Variants in COG5 observed in about 807,000 individuals in gnomAD.
The protein encoded by COG5 is conserved oligomeric Golgi complex subunit 5.
COG5 carries 86 observed loss-of-function variants against 110.4 expected under a neutral mutation model. That is an observed-to-expected ratio of 0.78 (90% CI 0.65 to 0.93). The LOEUF (loss-of-function observed/expected upper bound fraction) is 0.93, where lower values mean the gene tolerates loss of function less well. COG5 is among the 40% of genes least tolerant of loss of function. The probability of loss-of-function intolerance (pLI) is 0.00; values close to 1 mark genes in which losing one functional copy is unlikely to be tolerated. For synonymous variants in COG5, 360 were observed against 334.6 expected (o/e 1.08, Z -0.83); for missense variants, 1,077 against 987.0 (o/e 1.09, Z -1.22).
chr7:107,554,459 G>GA (rs1803151984), intron 2 of COG5, 117 bp from the exon 3 acceptor site: 4 of 854,634 alleles, frequency 4.7e-6, no homozygotes, highest in South Asian at 4.4e-5. Context: ...AAATACAAAA[G>GA]AAAAAACCAC....
chr7:107,508,567 T>C (rs891549990), intron 6 of COG5, among the ~76,000 whole-genome samples: 1 of 152,186 alleles, frequency 6.6e-6, no homozygotes, highest in Non-Finnish European at 1.5e-5. Flanking sequence ...GATCTGAGAA[T>C]GGGCAGACTG....
At chr7:107,484,593 C>T (rs1797546012) in intron 6 of COG5, among the ~76,000 whole-genome samples, 1 of 152,132 alleles carries the variant, frequency 6.6e-6, no homozygotes, top group African/African-American at 2.4e-5. Flanking sequence ...ACTATATATT[C>T]CACAACTATA....
intron 7 of COG5, among the ~76,000 whole-genome samples, chr7:107,400,593 A>G (rs1791352232): frequency 6.6e-6 from 1 of 152,202 alleles, no homozygotes; most frequent in South Asian, 2.1e-4. Flanking sequence ...GAAATACAAT[A>G]AATTTAGTCC....
intron 7 of COG5, among the ~76,000 whole-genome samples, chr7:107,373,694 T>C (rs1814388121): frequency 6.6e-6 from 1 of 152,144 alleles, no homozygotes; most frequent in Non-Finnish European, 1.5e-5. Flanking sequence ...AATGGGTTGT[T>C]GGATTTGTGG....
At chr7:107,320,575 A>G (rs1245748525) in intron 11 of COG5, among the ~76,000 whole-genome samples, 1 of 152,220 alleles carries the variant, frequency 6.6e-6, no homozygotes, top group East Asian at 1.9e-4. Flanking sequence ...AGCCTAAGTC[A>G]TGATGCATAT....
chr7:107,412,442 A>T (rs959959128), intron 7 of COG5, 60 bp downstream of exon 7: 3 of 1,539,262 alleles, frequency 1.9e-6, no homozygotes, highest in Non-Finnish European at 2.7e-6. Flanking sequence ...ACTCAAAGTC[A>T]AATGTTCACC....
intron 5 of COG5, among the ~76,000 whole-genome samples, chr7:107,532,548 AATATAAGGT>A (rs1484510632): frequency 1.3e-5 from 2 of 152,174 alleles, no homozygotes; most frequent in Non-Finnish European, 2.9e-5. Context: ...TATACACACA[AATATAAGGT>A]ATATACTATT....
chr7:107,324,638 C>A, intron 10 of COG5, 117 bp from the exon 11 acceptor site: 1 of 598,316 alleles, frequency 1.7e-6, no homozygotes, highest in Non-Finnish European at 3.0e-6. Context: ...AAATTTTAGA[C>A]ATCTAACCAT....
intron 6 of COG5, among the ~76,000 whole-genome samples, chr7:107,524,258 A>G (rs1800569978): frequency 6.6e-6 from 1 of 152,214 alleles, no homozygotes; most frequent in African/African-American, 2.4e-5. Flanking sequence ...TCATCACCCT[A>G]AAAACAAATC....
chr7:107,369,203 G>C (rs545355202), intron 8 of COG5, among the ~76,000 whole-genome samples: 11 of 152,144 alleles, frequency 7.2e-5, no homozygotes, highest in African/African-American at 2.7e-4. Flanking sequence ...CATATTCTTA[G>C]GCTTTAAATT....
chr7:107,489,489 T>C (rs1797856788), intron 6 of COG5, among the ~76,000 whole-genome samples: 1 of 152,182 alleles, frequency 6.6e-6, no homozygotes, highest in Non-Finnish European at 1.5e-5. Flanking sequence ...AGTTCACATA[T>C]ACTTTTGTCT....
intron 7 of COG5, among the ~76,000 whole-genome samples, chr7:107,391,632 T>C (rs908986038): frequency 3.3e-5 from 5 of 152,228 alleles, no homozygotes; most frequent in Admixed American, 3.3e-4. Flanking sequence ...CTTTAGGTCT[T>C]TAATCCATTT....
Position 107,242,995 on chromosome 7 carries a change from G to A in COG5, c.1853+5401C>T, listed in dbSNP as rs186448125. On this transcript the variant is annotated intron_variant, in intron 17 of 21. Transcript: ENST00000297135. ...ATGACACTCACAGGCTCAAAATAAA[G>A]GGATGGAGGAAAATATACCAAGCAA... 4.5e-3 allele frequency among the ~76,000 whole-genome samples: 678 copies of A among 150,232 alleles called. 3 individuals carry two copies. The highest frequency in any genetic ancestry group is 0.016 in the African/African-American group (650 of 41,472).
At chr7:107,555,960 G>C (rs1008949815) in intron 2 of COG5, among the ~76,000 whole-genome samples, 4 of 151,172 alleles carry the variant, frequency 2.6e-5, no homozygotes, top group African/African-American at 9.8e-5. Context: ...GTTGCAGTGA[G>C]CAAGATCGTG....
In COG5 at chr7:107,548,195, A is replaced by G; in HGVS notation, c.348-15T>C. ...TTGCTTTTATCCTACAGGAAAAGAG[A>G]GGAGTGAGAATAAAATCATTTTCAG... On this transcript the variant is annotated splice_polypyrimidine_tract_variant and intron_variant, in intron 4 of 21. Transcript: ENST00000297135. The G allele has an allele frequency of 6.2e-7, 1 of 1,611,148 alleles. No homozygotes were observed. Among genetic ancestry groups the G allele is most frequent in the Non-Finnish European group, 8.5e-7 (1 of 1,177,322 alleles).
chr7:107,497,953 T>A (rs955037384), intron 6 of COG5, among the ~76,000 whole-genome samples: 1 of 151,886 alleles, frequency 6.6e-6, no homozygotes, highest in Non-Finnish European at 1.5e-5. Context: ...ACTGATGCAA[T>A]AGAGTAGAGA....
chr7:107,205,261 T>C (rs1026372116), intron 21 of COG5, among the ~76,000 whole-genome samples: 4 of 152,122 alleles, frequency 2.6e-5, no homozygotes, highest in East Asian at 1.9e-4. Context: ...GGATCCAGCA[T>C]TGTGGAATTC....
chr7:107,339,784 G>A lies in COG5; in HGVS notation c.1027-15263C>T, dbSNP rs116592124. 8.0e-3 allele frequency among the ~76,000 whole-genome samples: 1,210 copies of A among 152,090 alleles called. 16 individuals carry two copies. The highest frequency in any genetic ancestry group is 0.025 in the African/African-American group (1,046 of 41,536). Reference sequence around the variant, plus strand: ...TCTGAATGACTTTTGGGCAAGCAGTGAAATTGTCAGAAATAAAAAAATTCT... The same window carrying A: ...TCTGAATGACTTTTGGGCAAGCAGTAAAATTGTCAGAAATAAAAAAATTCT... On this transcript the variant is annotated intron_variant, in intron 10 of 21. Transcript: ENST00000297135.
At chr7:107,210,481 T>C (rs748744877) in intron 21 of COG5, 45 bp downstream of exon 21, 19 of 1,563,520 alleles carry the variant, frequency 1.2e-5, no homozygotes, top group East Asian at 2.3e-5. Context: ...CCACCCTCCT[T>C]GGGCTTCCAG....
Sources: allele counts gnomAD v4.1 joint callset (sites outside exome capture counted in the v4.1 genomes callset), GRCh38; gene constraint gnomAD v4.1.1; transcripts MANE v1.5; gene names NCBI Gene and HGNC (gene_info 2026-07-23, HGNC 2026-07-21).